The following MON2 variants were observed in gnomAD, a reference collection of about 807,000 sequenced individuals.
MON2 encodes the protein protein MON2 homolog.
A neutral mutation model predicts 208.6 loss-of-function variants in MON2; 84 were observed. The observed-to-expected ratio is 0.40, with a 90% CI of 0.34 to 0.48. MON2 has a LOEUF of 0.48. Among genes scored for constraint, MON2 ranks in the 20% least tolerant of loss-of-function variants. MON2 has a pLI of 0.59. For synonymous variants in MON2, 660 were observed against 694.0 expected (o/e 0.95, Z 0.77); for missense variants, 1,611 against 2,015.4 (o/e 0.80, Z 3.84).
chr12:62,549,349 G>A (rs962284224), intron 22 of MON2, among the ~76,000 whole-genome samples: 3 of 151,754 alleles, frequency 2.0e-5, no homozygotes, highest in South Asian at 2.1e-4. Context: ...GCTGGGTGTG[G>A]TAGCTCATGC....
rs549539971 is a variant in MON2 at position 62,479,075 on chromosome 12, C to T, written c.112-5095C>T. 3.3e-5 allele frequency among the ~76,000 whole-genome samples: 5 copies of T among 152,206 alleles called. No individual in the cohort carries two copies. The East Asian group carries it at 9.6e-4, about 29-fold the overall frequency. ...AGAAGGAAATGATAACATCTATTTT[C>T]AACATGTCGAATTTAAGGTGCCTTT... On this transcript the variant is annotated intron_variant, in intron 1 of 34. Coordinates refer to ENST00000393630, the MANE Select transcript of MON2 (RefSeq NM_015026.3).
chr12:62,582,560 C>G (rs1036090947), intron 32 of MON2, among the ~76,000 whole-genome samples: 20 of 152,074 alleles, frequency 1.3e-4, no homozygotes, highest in Non-Finnish European at 2.5e-4. Context: ...TGAAGGACAG[C>G]CTTTTTCTTC....
chr12:62,578,390 T>C, intron 30 of MON2, 55 bp from the exon 31 acceptor site: 1 of 1,131,076 alleles, frequency 8.8e-7, no homozygotes, highest in Non-Finnish European at 1.3e-6. Context: ...TTCTATTTTG[T>C]TTGTATTTGC....
chr12:62,597,241 TATCCTTGTTAAATTTTATGTTTAC>T lies in MON2; in HGVS notation c.*4493_*4516del, dbSNP rs1267869633. 1 of 152,220 alleles carries T rather than the reference TATCCTTGTTAAATTTTATGTTTAC, an allele frequency of 6.6e-6. No individual in the cohort carries two copies. The highest frequency in any genetic ancestry group is 1.5e-5 in the Non-Finnish European group (1 of 68,032). 9.4% of individuals were successfully genotyped at this position (152,220 alleles called of 1,614,324 possible). The stretch of plus-strand genomic sequence containing the variant: ...CCTCCCCTTCTCTCTTTTATGTTTT[TATCCTTGTTAAATTTTATGTTTAC>T]GTTACCATCTTTCTTATACTTTCCC... On this transcript the variant is annotated 3_prime_UTR_variant, in exon 35 of 35. Coordinates refer to ENST00000393630, the MANE Select transcript of MON2 (RefSeq NM_015026.3).
chr12:62,476,378 C>T (rs898302145), intron 1 of MON2, among the ~76,000 whole-genome samples: 2 of 152,086 alleles, frequency 1.3e-5, no homozygotes, highest in Non-Finnish European at 2.9e-5. Flanking sequence ...CAGCTCCATA[C>T]CTCTCTTGTG....
chr12:62,567,900 A>G (rs1345987150), intron 29 of MON2, among the ~76,000 whole-genome samples: 1 of 152,226 alleles, frequency 6.6e-6, no homozygotes, highest in Non-Finnish European at 1.5e-5. Context: ...CTTTTGGCAA[A>G]TAGACCTATC....
At chr12:62,498,048 CTTT>C (rs34160326) in intron 4 of MON2, among the ~76,000 whole-genome samples, 3 of 146,870 alleles carry the variant, frequency 2.0e-5, no homozygotes, top group Non-Finnish European at 3.0e-5. Flanking sequence ...TTCATAGCAG[CTTT>C]TTTTTTTTTT....
chr12:62,495,639 G>A lies in MON2; in HGVS notation c.435+492G>A, dbSNP rs546067315. Among the ~76,000 whole-genome samples the A allele has an allele frequency of 4.2e-5, 6 of 141,248 alleles. No individual in the cohort carries two copies. In the East Asian group the frequency reaches 6.4e-4, roughly 15 times the overall value. The allele number at this position is 141,248 out of a possible 152,430, so 92.7% of individuals were successfully genotyped here. A position where few individuals can be genotyped will look rare whatever the true frequency, so the allele number is the denominator to read the frequency against. ...CAGGAGGCAGAGCTTGCAGTGAGCC[G>A]AGATCGTATCACTGCACTCCAGCCT... On this transcript the variant is annotated intron_variant, in intron 4 of 34. Transcript: ENST00000393630.
At chr12:62,503,865 C>A (rs988585258) in intron 7 of MON2, among the ~76,000 whole-genome samples, 1 of 152,194 alleles carries the variant, frequency 6.6e-6, no homozygotes, top group Non-Finnish European at 1.5e-5. Flanking sequence ...TCTTCCCCAA[C>A]CACGTTGTGT....
chr12:62,550,094 A>G (rs1372264264), intron 23 of MON2, among the ~76,000 whole-genome samples: 2 of 152,222 alleles, frequency 1.3e-5, no homozygotes, highest in African/African-American at 4.8e-5. Context: ...TAGTATATAC[A>G]AGGGAAATCT....
At chr12:62,519,669 G>A (rs1011429816) in intron 8 of MON2, among the ~76,000 whole-genome samples, 8 of 152,138 alleles carry the variant, frequency 5.3e-5, no homozygotes, top group African/African-American at 1.4e-4. Flanking sequence ...TCTTCATTCT[G>A]TTGTGATTTT....
chr12:62,575,223 T>C (rs1383733567), intron 30 of MON2, among the ~76,000 whole-genome samples: 2 of 152,234 alleles, frequency 1.3e-5, no homozygotes, highest in African/African-American at 2.4e-5. Flanking sequence ...AGTTTAGTTT[T>C]TGTTTCATAG....
At chr12:62,509,787 G>T (rs944431032) in intron 8 of MON2, among the ~76,000 whole-genome samples, 1 of 151,690 alleles carries the variant, frequency 6.6e-6, no homozygotes, top group Non-Finnish European at 1.5e-5. Context: ...CAACATACTA[G>T]TTAGGAGAAG....
In MON2 at chr12:62,578,475, G is replaced by T. The variant is rs1592450881; in HGVS notation, c.4545G>T (p.Glu1515Asp). The change falls in exon 31 of 35, where the codon GAG (glutamate) becomes GAT (aspartate). Residue 1515 changes from glutamate to aspartate, a missense_variant. Transcript: ENST00000393630. ...SIPPDNLSIQ[E>D]FQRNENIDVE... ...CTCCAGATAATCTCTCTATTCAAGA[G>T]TTTCAAAGAAATGAAAATATTGATG... The T allele has an allele frequency of 6.7e-7, 1 of 1,494,468 alleles. No individual in the cohort carries two copies. The highest frequency in any genetic ancestry group is 2.0e-4 in the Middle Eastern group (1 of 4,940). The allele number at this position is 1,494,468 out of a possible 1,614,324, so 92.6% of individuals were successfully genotyped here.
At chr12:62,517,678 C>T (rs937939278) in intron 8 of MON2, among the ~76,000 whole-genome samples, 15 of 152,140 alleles carry the variant, frequency 9.9e-5, no homozygotes, top group African/African-American at 3.1e-4. Flanking sequence ...AACCTGAACA[C>T]GCTAACATCT....
chr12:62,569,892 GTA>G (rs2074523434), intron 29 of MON2, among the ~76,000 whole-genome samples: 1 of 152,142 alleles, frequency 6.6e-6, no homozygotes, highest in Admixed American at 6.5e-5. Flanking sequence ...TATTGTATGA[GTA>G]TTCAGTAATA....
At position 62,560,822 on chromosome 12, in the gene MON2, G is replaced by T. The variant is rs774127670; in HGVS notation, c.3741G>T (p.Trp1247Cys). The T allele has an allele frequency of 6.2e-7, 1 of 1,613,964 alleles. No individual in the cohort carries two copies. The highest frequency in any genetic ancestry group is 8.5e-7 in the Non-Finnish European group (1 of 1,179,988). Residue 1247 changes from tryptophan (W) to cysteine (C), a missense_variant, in exon 26 of 35, where the codon TGG becomes TGT. Physicochemically the swap from Trp to Cys is radical, Grantham distance 215. Coordinates refer to ENST00000393630, the MANE Select transcript of MON2 (RefSeq NM_015026.3). ...TATGGTGGGCTGCGTGGAATACCTG[G>T]TATAGAATTGGATCTGAAAGTACTA... is the stretch of plus-strand genomic sequence containing the variant. The part of the protein sequence containing the change: ...LNLWWAAWNT[W>C]YRIGSESTKP...
intron 19 of MON2, 85 bp from the exon 20 acceptor site, chr12:62,543,012 C>A: frequency 1.4e-6 from 1 of 712,712 alleles, no homozygotes; most frequent in Non-Finnish European, 2.3e-6. Flanking sequence ...CAGTCATGCT[C>A]TTCAGAGTAT....
intron 30 of MON2, among the ~76,000 whole-genome samples, chr12:62,574,828 C>T (rs1445392012): frequency 6.6e-6 from 1 of 152,072 alleles, no homozygotes; most frequent in African/African-American, 2.4e-5. Flanking sequence ...GCATTATTTT[C>T]TTTATTTGAA....
Sources: allele counts gnomAD v4.1 joint callset (sites outside exome capture counted in the v4.1 genomes callset), GRCh38; gene constraint gnomAD v4.1.1; transcripts MANE v1.5; gene names NCBI Gene and HGNC (gene_info 2026-07-23, HGNC 2026-07-21).